RBFOX1: variants seen among roughly 807,000 people sequenced by gnomAD.
RBFOX1 encodes the protein RNA binding protein fox-1 homolog 1.
Under a neutral mutation model 57.7 loss-of-function variants are expected in RBFOX1, and 8 were observed. That is an observed-to-expected ratio of 0.14 (90% CI 0.08 to 0.25). The LOEUF (loss-of-function observed/expected upper bound fraction) is 0.25, where lower values mean the gene tolerates loss of function less well. Ranked by LOEUF, RBFOX1 falls within the 10% of genes least tolerant of loss-of-function variation. The pLI is 1.00. For missense variants in RBFOX1, 611 were observed against 548.5 expected (o/e 1.11, Z -1.14); for synonymous variants, 326 against 222.4 (o/e 1.47, Z -4.15).
Position 6,490,165 on chromosome 16 carries a change from G to A in RBFOX1, c.-63-164438G>A, listed in dbSNP as rs910804757. Among the ~76,000 whole-genome samples, 5 of 152,218 alleles carry A rather than the reference G, an allele frequency of 3.3e-5. 1 individual carries two copies. The South Asian group carries it at 1.0e-3, about 32-fold the overall frequency. ...GTCTCAGTTGGGTTTTTAGTGAATA[G>A]CAAATGCTATGAAAAGAAAAACAAT... On this transcript the variant is annotated intron_variant, in intron 2 of 15. Coordinates refer to ENST00000550418, the MANE Select transcript of RBFOX1 (RefSeq NM_018723.4).
intron 4 of RBFOX1, among the ~76,000 whole-genome samples, chr16:7,268,500 A>G (rs1431848792): frequency 6.6e-6 from 1 of 152,144 alleles, no homozygotes; most frequent in Admixed American, 6.5e-5. Context: ...CTTTCCAAAG[A>G]TGCTCTGCGG....
chr16:7,349,360 C>A (rs978661783), intron 4 of RBFOX1, among the ~76,000 whole-genome samples: 2 of 152,130 alleles, frequency 1.3e-5, no homozygotes, highest in Non-Finnish European at 2.9e-5. Context: ...AGTGACTTCG[C>A]TTTCTCTCTT....
At chr16:5,893,969 G>A (rs1370646080) in intron 4 of RBFOX1, among the ~76,000 whole-genome samples, 1 of 152,160 alleles carries the variant, frequency 6.6e-6, no homozygotes, top group African/African-American at 2.4e-5. Context: ...TGCAAAATGT[G>A]GAATTGAAGA....
At chr16:7,068,193 C>T (rs891488138) in intron 4 of RBFOX1, among the ~76,000 whole-genome samples, 2 of 152,064 alleles carry the variant, frequency 1.3e-5, no homozygotes, top group Non-Finnish European at 1.5e-5. Flanking sequence ...ATCCTGTTTG[C>T]CATGTACCAT....
chr16:5,723,735 G>C (rs1019226644), intron 3 of RBFOX1, among the ~76,000 whole-genome samples: 1 of 152,170 alleles, frequency 6.6e-6, no homozygotes, highest in Non-Finnish European at 1.5e-5. Flanking sequence ...TCTGAGGTCT[G>C]ATTGTGAGAT....
At chr16:7,466,103 G>A (rs371677097) in intron 4 of RBFOX1, among the ~76,000 whole-genome samples, 272 of 152,276 alleles carry the variant, frequency 1.8e-3, no homozygotes, top group African/African-American at 6.2e-3. Flanking sequence ...CTGGGGCACA[G>A]GGGAAAAGAT....
At chr16:5,914,416 A>T (rs567341475) in intron 4 of RBFOX1, among the ~76,000 whole-genome samples, 2 of 152,142 alleles carry the variant, frequency 1.3e-5, no homozygotes, top group Non-Finnish European at 2.9e-5. Flanking sequence ...CTGAATCCTG[A>T]CTGAGGCTAG....
intron 4 of RBFOX1, among the ~76,000 whole-genome samples, chr16:7,070,416 T>A (rs1036825043): frequency 6.6e-6 from 1 of 152,180 alleles, no homozygotes; most frequent in Non-Finnish European, 1.5e-5. Flanking sequence ...ATATACCGAG[T>A]ATTCTGATAA....
chr16:5,891,121 A>G (rs1371621034), intron 4 of RBFOX1, among the ~76,000 whole-genome samples: 1 of 152,210 alleles, frequency 6.6e-6, no homozygotes, highest in African/African-American at 2.4e-5. Flanking sequence ...TAGGCCCAGC[A>G]CAGAAGTCAG....
chr16:6,704,764 G>A (rs186658095), intron 3 of RBFOX1: 4 of 152,158 alleles, frequency 2.6e-5, no homozygotes, highest in Admixed American at 6.5e-5. Flanking sequence ...ATCTGGTCTC[G>A]GAGAACCTTC....
At chr16:7,450,511 G>A (rs767813884) in intron 4 of RBFOX1, among the ~76,000 whole-genome samples, 12 of 151,660 alleles carry the variant, frequency 7.9e-5, no homozygotes, top group Non-Finnish European at 1.0e-4. Context: ...TGAAGATAAC[G>A]GCCCCCGACT....
intron 2 of RBFOX1, among the ~76,000 whole-genome samples, chr16:6,652,541 C>T (rs925532355): frequency 6.6e-6 from 1 of 152,032 alleles, no homozygotes; most frequent in Admixed American, 6.5e-5. Flanking sequence ...GAGAAGGAGG[C>T]ATCTACAAGC....
chr16:6,762,198 G>A (rs1031130270), intron 3 of RBFOX1, among the ~76,000 whole-genome samples: 2 of 140,372 alleles, frequency 1.4e-5, no homozygotes, highest in Non-Finnish European at 1.5e-5. Flanking sequence ...GTTATAATTA[G>A]AATTAGATAA....
intron 1 of RBFOX1, among the ~76,000 whole-genome samples, chr16:5,354,979 GA>G (rs1173831108): frequency 1.6e-4 from 24 of 148,016 alleles, no homozygotes; most frequent in Admixed American, 1.3e-3. Context: ...GCAGAGGTTG[GA>G]AGGGGTGAAG....
intron 4 of RBFOX1, among the ~76,000 whole-genome samples, chr16:7,184,166 C>A (rs1257208364): frequency 6.6e-6 from 1 of 152,128 alleles, no homozygotes; most frequent in Non-Finnish European, 1.5e-5. Context: ...AAAAGAGTAG[C>A]ACAGGGCTGG....
chr16:6,165,234 C>G (rs533946462), intron 1 of RBFOX1, among the ~76,000 whole-genome samples: 115 of 152,258 alleles, frequency 7.6e-4, no homozygotes, highest in Non-Finnish European at 1.2e-3. Flanking sequence ...GAATGAAAGG[C>G]TTTACATACA....
intron 3 of RBFOX1, among the ~76,000 whole-genome samples, chr16:6,806,167 T>A (rs2086714873): frequency 6.6e-6 from 1 of 152,176 alleles, no homozygotes. Flanking sequence ...GAGTATAGAA[T>A]TGCCACAGGT....
At chr16:7,380,550 T>C (rs905987129) in intron 4 of RBFOX1, among the ~76,000 whole-genome samples, 5 of 152,218 alleles carry the variant, frequency 3.3e-5, no homozygotes, top group Admixed American at 6.5e-5. Flanking sequence ...AGTTTCCCTA[T>C]TGATAGACAT....
chr16:6,920,177 G>T (rs954778257), intron 3 of RBFOX1, among the ~76,000 whole-genome samples: 2 of 152,136 alleles, frequency 1.3e-5, no homozygotes, highest in Non-Finnish European at 2.9e-5. Context: ...TCCACTCATT[G>T]GTTGATGGGC....
Sources: gnomAD v4.1 joint callset for allele counts (sites outside exome capture counted in the v4.1 genomes callset) on GRCh38, gnomAD v4.1.1 for gene constraint, MANE v1.5 for transcripts, NCBI Gene and HGNC (gene_info 2026-07-23, HGNC 2026-07-21) for gene names.